Variants in GNL3 observed in about 807,000 individuals in gnomAD.
The protein encoded by GNL3 is guanine nucleotide-binding protein-like 3.
Under a neutral mutation model 70.6 loss-of-function variants are expected in GNL3, and 77 were observed. The observed-to-expected ratio is 1.09, with a 90% CI of 0.91 to 1.32. The LOEUF is 1.32. Among genes scored for constraint, GNL3 ranks in the 40% most tolerant of loss-of-function variants. GNL3 has a pLI of 0.00. For synonymous variants in GNL3, 252 were observed against 216.1 expected (o/e 1.17, Z -1.46); for missense variants, 634 against 644.0 (o/e 0.98, Z 0.17).
At chr3:52,687,193 G>T in intron 2 of GNL3, 53 bp from the exon 3 acceptor site, 1 of 1,485,642 alleles carries the variant, frequency 6.7e-7, no homozygotes, top group South Asian at 1.2e-5. Flanking sequence ...CTTGAATTCT[G>T]CTTAAGTATA....
chr3:52,688,162 A>T lies in GNL3; in HGVS notation c.378A>T (p.Ser126=), dbSNP rs760561922. The T allele has an allele frequency of 2.7e-5, 44 of 1,609,672 alleles. No individual in the cohort carries two copies. The highest frequency in any genetic ancestry group is 3.7e-5 in the Non-Finnish European group (44 of 1,175,866). Reference sequence around the variant, plus strand: ...AAGCCAAGTCGGGCAAACAGAATTCAAAGAAGCTGTACTGCCAAGAACTTA... The same window carrying T: ...AAGCCAAGTCGGGCAAACAGAATTCTAAGAAGCTGTACTGCCAAGAACTTA... ...ENKAKSGKQN[S]KKLYCQELKK... The change falls in exon 5 of 15, where the codon TCA becomes TCT. Residue 126 remains serine, a synonymous_variant. Transcript: ENST00000418458.
chr3:52,689,028 C>G (rs1467760158), intron 5 of GNL3, 46 bp from the exon 6 acceptor site: 5 of 1,548,906 alleles, frequency 3.2e-6, no homozygotes, highest in Non-Finnish European at 4.5e-6. Context: ...TAGTTCTGAT[C>G]ATTTTCTCCT....
chr3:52,689,091 T>C lies in GNL3; in HGVS notation c.426T>C (p.Asp142=), dbSNP rs1458371272. The C allele has an allele frequency of 1.4e-5, 23 of 1,613,420 alleles. No homozygotes were observed. The highest frequency in any genetic ancestry group is 1.8e-5 in the Non-Finnish European group (21 of 1,179,432). The change falls in exon 6 of 15, where the codon GAT becomes GAC. Residue 142 remains aspartate, a synonymous_variant. Transcript: ENST00000418458. ...QELKKVIEAS[D]VVLEVLDARD... ...CTTGATAGGTGATTGAAGCCTCCGA[T>C]GTTGTCCTAGAGGTGTTGGATGCCA...
At chr3:52,690,363 C>T (rs985523485) in intron 6 of GNL3, among the ~76,000 whole-genome samples, 2 of 152,088 alleles carry the variant, frequency 1.3e-5, no homozygotes, top group African/African-American at 4.8e-5. Context: ...CCCGGGTTCA[C>T]GCCGTTCTCC....
At chr3:52,688,391 CCT>C (rs1247297768) in intron 5 of GNL3, among the ~76,000 whole-genome samples, 199 bp downstream of exon 5, 7 of 152,238 alleles carry the variant, frequency 4.6e-5, no homozygotes, top group African/African-American at 1.7e-4. Context: ...CTTTCCTGAT[CCT>C]CTCCCTCCTC....
chr3:52,687,435 G>C, intron 3 of GNL3, 52 bp downstream of exon 3: 1 of 1,603,382 alleles, frequency 6.2e-7, no homozygotes, highest in Non-Finnish European at 8.5e-7. Flanking sequence ...TGTTATGTGT[G>C]ATATTTTTCA....
At chr3:52,687,885 A>G in intron 4 of GNL3, 1 of 593,474 alleles carries the variant, frequency 1.7e-6, no homozygotes, top group Non-Finnish European at 3.0e-6. Context: ...AGTTTCTGGT[A>G]TTACAGGTGT....
intron 9 of GNL3, among the ~76,000 whole-genome samples, chr3:52,692,565 C>T (rs1288959243): frequency 6.6e-6 from 1 of 151,994 alleles, no homozygotes. Context: ...GATCCACCCA[C>T]CTCGGCCTCC....
rs576490177 is a variant in GNL3 at position 52,689,301 on chromosome 3, G to A, written c.541+95G>A. The A allele has an allele frequency of 1.3e-5, 15 of 1,177,038 alleles. No individual in the cohort carries two copies. In the East Asian group the frequency reaches 3.0e-4, roughly 24 times the overall value. The allele number at this position is 1,177,038 out of a possible 1,614,324, so 72.9% of individuals were successfully genotyped here. ...CTGAAGACTGATTAGATCCAACTCT[G>A]ATCTCAGCAAAGCCAGAGTACGTGC... On this transcript the variant is annotated intron_variant, in intron 6 of 14. Transcript: ENST00000418458.
At chr3:52,686,180 C>T (rs1480715610) in intron 1 of GNL3, 75 bp downstream of exon 1, 1 of 1,527,492 alleles carries the variant, frequency 6.5e-7, no homozygotes, top group Non-Finnish European at 9.1e-7. Flanking sequence ...CGCTCTTCTA[C>T]GGCTACGGCT....
chr3:52,688,093 C>A lies in GNL3; in HGVS notation c.325-16C>A, dbSNP rs150255352. ...TCTACTTCTAATTTTGTGTTATTTC[C>A]CCCTTTATCCTCTAGGAGTTTGGGC... On this transcript the variant is annotated splice_polypyrimidine_tract_variant and intron_variant, in intron 4 of 14. Transcript: ENST00000418458. 1.3e-6 allele frequency: 2 copies of A among 1,486,814 alleles called. No individual in the cohort carries two copies. Among genetic ancestry groups the A allele is most frequent in the Non-Finnish European group, 1.9e-6 (2 of 1,064,374 alleles). The allele number at this position is 1,486,814 out of a possible 1,614,324, so 92.1% of individuals were successfully genotyped here. A position where few individuals can be genotyped will look rare whatever the true frequency, so the allele number is the denominator to read the frequency against.
At chr3:52,693,996 C>A (rs2097330093) in intron 13 of GNL3, 41 bp from the exon 14 acceptor site, 2 of 1,527,778 alleles carry the variant, frequency 1.3e-6, no homozygotes, top group Middle Eastern at 1.7e-4. Context: ...AATGAGCAGA[C>A]AAGGGCTACT....
At chr3:52,686,025 T>G, upstream of GNL3, 1 of 819,284 alleles carries the variant, frequency 1.2e-6, no homozygotes, top group Non-Finnish European at 2.2e-6. Flanking sequence ...CGCTCGTCAG[T>G]GGCTTCAGTT....
In GNL3 at chr3:52,687,489, A is replaced by G; in HGVS notation, c.211-13A>G. 6.2e-7 allele frequency: 1 copy of G among 1,602,740 alleles called. No individual in the cohort carries two copies. The highest frequency in any genetic ancestry group is 8.5e-7 in the Non-Finnish European group (1 of 1,169,840). ...AGTCACTGGTTCACCTATTTCCCTT[A>G]TGGCTCTGACAGCTTGAAGAACTAA... On this transcript the variant is annotated splice_polypyrimidine_tract_variant and intron_variant, in intron 3 of 14. Coordinates refer to ENST00000418458, the MANE Select transcript of GNL3 (RefSeq NM_014366.5).
In GNL3 at chr3:52,687,303, C is replaced by G. The variant is rs2097319503; in HGVS notation, c.130C>G (p.Pro44Ala). The G allele has an allele frequency of 6.2e-7, 1 of 1,612,724 alleles. No individual in the cohort carries two copies. The highest frequency in any genetic ancestry group is 1.7e-5 in the Admixed American group (1 of 59,990). Residue 44 changes from proline (P) to alanine (A), a missense_variant, in exon 3 of 15, where the codon CCT (proline) becomes GCT (alanine). Coordinates refer to ENST00000418458, the MANE Select transcript of GNL3 (RefSeq NM_014366.5). Reference sequence around the variant, plus strand: ...GGCTAAAAAGCGGGGTCACAAGAAGCCTAGGAAAGACCCAGGAGTTCCAAA... The same window carrying G: ...GGCTAAAAAGCGGGGTCACAAGAAGGCTAGGAAAGACCCAGGAGTTCCAAA... ...KEAKKRGHKK[P>A]RKDPGVPNSA...
Position 52,691,556 on chromosome 3 carries a change from G to C in GNL3, c.796G>C (p.Gly266Arg). ...TTTATTTGTAGGTTTCCCAAATGTGGGGAAAAGCAGCATTATCAATAGCTT... is the reference window on the plus strand; with the variant it reads ...TTTATTTGTAGGTTTCCCAAATGTGCGGAAAAGCAGCATTATCAATAGCTT... ...RVGVIGFPNV[G>R]KSSIINSLKQ... The change falls in exon 9 of 15, where the codon GGG (glycine) becomes CGG (arginine). Residue 266 changes from glycine to arginine, a missense_variant. Gly to Arg is a moderately radical substitution (Grantham distance 125). Transcript: ENST00000418458. 1 of 1,586,948 alleles carries C rather than the reference G, an allele frequency of 6.3e-7. No homozygotes were observed. The highest frequency in any genetic ancestry group is 2.2e-5 in the East Asian group (1 of 44,732).
chr3:52,689,331 T>G (rs1457793582), intron 6 of GNL3, 125 bp downstream of exon 6: 1 of 923,902 alleles, frequency 1.1e-6, no homozygotes, highest in Non-Finnish European at 1.8e-6. Context: ...ACGTGCACTT[T>G]GCCAGAGACA....
Position 52,686,063 on chromosome 3 carries a change from GA to G in GNL3, c.-29del, listed in dbSNP as rs772514571. On this transcript the variant is annotated 5_prime_UTR_variant, in exon 1 of 15. The change abolishes an upstream ATG in the 5' untranslated region. Coordinates refer to ENST00000418458, the MANE Select transcript of GNL3 (RefSeq NM_014366.5). ...CACGTGGCGCCAGCGGAGGCAGGTTGATGTGTTTGTGCTTCCTTCTACAGCC... is the reference window on the plus strand; with the variant it reads ...CACGTGGCGCCAGCGGAGGCAGGTTGTGTGTTTGTGCTTCCTTCTACAGCC... The G allele has an allele frequency of 3.0e-6, 3 of 996,976 alleles. No homozygotes were observed. The Admixed American group carries it at 5.1e-5, about 17-fold the overall frequency. 61.8% of individuals were successfully genotyped at this position (996,976 alleles called of 1,614,324 possible).
In GNL3 at chr3:52,692,969, C is replaced by T. The variant is rs745733070; in HGVS notation, c.967C>T (p.Arg323Ter). The change falls in exon 10 of 15, where the codon CGA (arginine) becomes TGA (stop). Residue 323 changes from arginine to a stop codon, truncating the protein, a stop_gained. Coordinates refer to ENST00000418458, the MANE Select transcript of GNL3 (RefSeq NM_014366.5). LOFTEE classifies it high-confidence loss of function. ...PLNSSSALAL[R>*]SPASIEVVKP... is the part of the protein sequence containing the mutation. ...TAATTCCTCCTCTGCGCTTGCTCTGCGAAGTCCAGCAAGTATTGAAGTAGT... is the reference window on the plus strand; with the variant it reads ...TAATTCCTCCTCTGCGCTTGCTCTGTGAAGTCCAGCAAGTATTGAAGTAGT... 9.3e-6 allele frequency: 15 copies of T among 1,613,774 alleles called. No individual in the cohort carries two copies. The highest frequency in any genetic ancestry group is 1.3e-5 in the African/African-American group (1 of 74,934).
Sources: allele counts gnomAD v4.1 joint callset (sites outside exome capture counted in the v4.1 genomes callset), GRCh38; gene constraint gnomAD v4.1.1; transcripts MANE v1.5; gene names NCBI Gene and HGNC (gene_info 2026-07-23, HGNC 2026-07-21).